CFAP20DC: variants seen among roughly 807,000 people sequenced by gnomAD.
CFAP20DC encodes the protein protein CFAP20DC.
Under a neutral mutation model 101.7 loss-of-function variants are expected in CFAP20DC, and 84 were observed. The ratio of observed to expected loss-of-function variants is 0.83; its 90% confidence interval spans 0.69 to 0.99. The LOEUF (loss-of-function observed/expected upper bound fraction) is 0.99, where lower values mean the gene tolerates loss of function less well. Ranked by LOEUF, CFAP20DC falls within the 50% of genes least tolerant of loss-of-function variation. CFAP20DC has a pLI of 0.00. For synonymous variants in CFAP20DC, 359 were observed against 351.2 expected (o/e 1.02, Z -0.25); for missense variants, 1,007 against 970.3 (o/e 1.04, Z -0.50).
At chr3:58,907,050 T>C (rs1340768365) in intron 6 of CFAP20DC, among the ~76,000 whole-genome samples, 1 of 152,134 alleles carries the variant, frequency 6.6e-6, no homozygotes, top group East Asian at 1.9e-4. Flanking sequence ...ATGGTGAAAA[T>C]GTCAGCCTCC....
chr3:58,810,332 G>C (rs1225278665), intron 14 of CFAP20DC, among the ~76,000 whole-genome samples: 1 of 152,132 alleles, frequency 6.6e-6, no homozygotes, highest in African/African-American at 2.4e-5. Flanking sequence ...AAATCCAGCA[G>C]CATATCAAAA....
At position 59,001,372 on chromosome 3, in the gene CFAP20DC, G is replaced by T. The variant is rs1045200637; in HGVS notation, c.278+38185C>A. 1.3e-5 allele frequency among the ~76,000 whole-genome samples: 2 copies of T among 151,862 alleles called. No homozygotes were observed. On this transcript the variant is annotated intron_variant, in intron 4 of 16. Transcript: ENST00000482387. The surrounding 1 kb of genome is among the most constrained non-coding windows in gnomAD (Gnocchi z 4.5). ...TCTTATGCTTAGGAGTTTGGCCTTT[G>T]AAACAGTCTCTCCCTCTCTCCCTCT...
In CFAP20DC at chr3:58,897,288, G is replaced by A. The variant is rs565511624; in HGVS notation, c.551-12579C>T. On this transcript the variant is annotated intron_variant, in intron 6 of 16. Coordinates refer to ENST00000482387, the MANE Select transcript of CFAP20DC (RefSeq NM_001394063.1). This position sits in a 1 kb window ranked among gnomAD's most constrained non-coding sequence, Gnocchi z 4.4. ...CCTATGTGTGTGTCTTTGCACATGA[G>A]ATGGCAGCATACCATGAATCTTGGC... Among the ~76,000 whole-genome samples, 7 of 152,270 alleles carry A rather than the reference G, an allele frequency of 4.6e-5. No individual in the cohort carries two copies. The South Asian group carries it at 1.4e-3, about 32-fold the overall frequency.
rs115374049 is a variant in CFAP20DC at position 58,944,834 on chromosome 3, G to A, written c.279-7072C>T. On this transcript the variant is annotated intron_variant, in intron 4 of 16. Transcript: ENST00000482387. ...GATCCTGTGTAAGGCCTTCCAGAAGGATGATCTCCAAGCTAGCAAGACTGG... is the reference window on the plus strand; with the variant it reads ...GATCCTGTGTAAGGCCTTCCAGAAGAATGATCTCCAAGCTAGCAAGACTGG... Among the ~76,000 whole-genome samples, 716 of 152,140 alleles carry A rather than the reference G, an allele frequency of 4.7e-3. 3 individuals carry two copies. Among genetic ancestry groups the A allele is most frequent in the African/African-American group, 0.017 (688 of 41,506 alleles).
rs17360960 is a variant in CFAP20DC, at chr3:58,868,540, T to C, written c.1016-604A>G. Reference sequence around the variant, plus strand: ...TATTTATTATTAGTATTAGTGCCAGTAGTAATGCCATTCCCATTTTACAGA... The same window carrying C: ...TATTTATTATTAGTATTAGTGCCAGCAGTAATGCCATTCCCATTTTACAGA... On this transcript the variant is annotated intron_variant, in intron 9 of 16. Coordinates refer to ENST00000482387, the MANE Select transcript of CFAP20DC (RefSeq NM_001394063.1). The surrounding 1 kb of genome is among the most constrained non-coding windows in gnomAD (Gnocchi z 4.6). 0.028 allele frequency among the ~76,000 whole-genome samples: 4,190 copies of C among 152,232 alleles called. 81 individuals carry two copies. Among genetic ancestry groups the C allele is most frequent in the Non-Finnish European group, 0.038 (2,601 of 67,980 alleles).
intron 13 of CFAP20DC, among the ~76,000 whole-genome samples, chr3:58,843,713 A>G (rs1033756281): frequency 1.3e-3 from 202 of 150,634 alleles, no homozygotes; most frequent in Non-Finnish European, 2.4e-3. Flanking sequence ...CATAATTGTC[A>G]GATTCACCAA....
At chr3:58,775,956 G>T (rs570937244) in intron 15 of CFAP20DC, among the ~76,000 whole-genome samples, 1 of 152,092 alleles carries the variant, frequency 6.6e-6, no homozygotes, top group East Asian at 1.9e-4. Flanking sequence ...TGTTGGTCAG[G>T]CTCTTGGACT....
chr3:59,049,675 T>G lies in CFAP20DC; in HGVS notation c.-44A>C. On this transcript the variant is annotated 5_prime_UTR_variant, in exon 1 of 17. Coordinates refer to ENST00000482387, the MANE Select transcript of CFAP20DC (RefSeq NM_001394063.1). Reference sequence around the variant, plus strand: ...GCTTGGGGGGCACAGAGTTCAGGGTTTCCAGCGAGTGGCGTGACCCTGACG... The same window carrying G: ...GCTTGGGGGGCACAGAGTTCAGGGTGTCCAGCGAGTGGCGTGACCCTGACG... 1 of 1,533,326 alleles carries G rather than the reference T, an allele frequency of 6.5e-7. No homozygotes were observed. Among genetic ancestry groups the G allele is most frequent in the Non-Finnish European group, 8.7e-7 (1 of 1,145,258 alleles). 95.0% of individuals were successfully genotyped at this position (1,533,326 alleles called of 1,614,324 possible).
chr3:58,862,692 G>T, intron 12 of CFAP20DC: 1 of 975,662 alleles, frequency 1.0e-6, no homozygotes, highest in Non-Finnish European at 1.2e-6. Context: ...AATATTTTGT[G>T]GGCACATATA....
intron 4 of CFAP20DC, among the ~76,000 whole-genome samples, chr3:58,951,312 C>A (rs1466720334): frequency 6.6e-6 from 1 of 152,164 alleles, no homozygotes; most frequent in African/African-American, 2.4e-5. Flanking sequence ...GTTGGTGGGA[C>A]TGTAAACTAG....
At chr3:58,746,751 CAAT>C (rs1381904884) in intron 16 of CFAP20DC, among the ~76,000 whole-genome samples, 4 of 152,072 alleles carry the variant, frequency 2.6e-5, no homozygotes, top group African/African-American at 9.7e-5. Flanking sequence ...AAACTACCAA[CAAT>C]GACATTCATA....
Position 59,046,268 on chromosome 3 carries a change from T to C in CFAP20DC, c.166A>G (p.Thr56Ala), listed in dbSNP as rs1312092532. The C allele has an allele frequency of 2.0e-6, 3 of 1,532,822 alleles. No homozygotes were observed. Among genetic ancestry groups the C allele is most frequent in the African/African-American group, 1.4e-5 (1 of 72,816 alleles). The allele number at this position is 1,532,822 out of a possible 1,614,324, so 95.0% of individuals were successfully genotyped here. ...TCCTTTGGTAACTGAATTTTGTTTGTTTGGCTGCTGCCTTCCAGGACAAAC... is the reference window on the plus strand; with the variant it reads ...TCCTTTGGTAACTGAATTTTGTTTGCTTGGCTGCTGCCTTCCAGGACAAAC... ...FVFVLEGSSQTNKIQLPKENK... is the reference protein window; with the variant it reads ...FVFVLEGSSQANKIQLPKENK... The change falls in exon 3 of 17, where the codon ACA becomes GCA. Residue 56 changes from threonine (T) to alanine (A), a missense_variant. Coordinates refer to ENST00000482387, the MANE Select transcript of CFAP20DC (RefSeq NM_001394063.1).
In CFAP20DC at chr3:58,912,310, T is replaced by A. The variant is rs539485416; in HGVS notation, c.550+1398A>T. On this transcript the variant is annotated intron_variant, in intron 6 of 16. Transcript: ENST00000482387. The surrounding 1 kb of genome is among the most constrained non-coding windows in gnomAD (Gnocchi z 4.4). ...TTTCTATAAATTTTGAGGCTTCTTA[T>A]TAGCTGGGTGCCATTTAAAAAAATG... Among the ~76,000 whole-genome samples the A allele has an allele frequency of 6.2e-4, 95 of 152,258 alleles. No homozygotes were observed. Among genetic ancestry groups the A allele is most frequent in the Middle Eastern group, 3.4e-3 (1 of 294 alleles).
At chr3:58,856,225 T>C (rs1236067106) in intron 12 of CFAP20DC, among the ~76,000 whole-genome samples, 1 of 150,746 alleles carries the variant, frequency 6.6e-6, no homozygotes, top group Non-Finnish European at 1.5e-5. Context: ...GTATTCATCC[T>C]GGGCATACAT....
At position 59,002,396 on chromosome 3, in the gene CFAP20DC, T is replaced by C. The variant is rs950919744; in HGVS notation, c.278+37161A>G. Among the ~76,000 whole-genome samples, 4 of 152,230 alleles carry C rather than the reference T, an allele frequency of 2.6e-5. No individual in the cohort carries two copies. Among genetic ancestry groups the C allele is most frequent in the African/African-American group, 4.8e-5 (2 of 41,460 alleles). ...AAATGGCATAACCAAAATGACTTTA[T>C]GCAAGCAAAGCAAGTAGAAGTATTT... On this transcript the variant is annotated intron_variant, in intron 4 of 16. Coordinates refer to ENST00000482387, the MANE Select transcript of CFAP20DC (RefSeq NM_001394063.1). The surrounding 1 kb of genome is among the most constrained non-coding windows in gnomAD (Gnocchi z 4.5).
chr3:58,830,384 G>T (rs1480398744), intron 14 of CFAP20DC, among the ~76,000 whole-genome samples: 1 of 152,126 alleles, frequency 6.6e-6, no homozygotes, highest in African/African-American at 2.4e-5. Context: ...GACCAAGTTA[G>T]ATCTGATTCA....
At chr3:58,856,265 GACACACACACACACACACACAC>G (rs536277954) in intron 12 of CFAP20DC, among the ~76,000 whole-genome samples, 3 of 124,068 alleles carry the variant, frequency 2.4e-5, no homozygotes, top group Admixed American at 8.6e-5. Context: ...TTCATCTTCT[GACACACACACACACACACACAC>G]ACACACACAC....
intron 12 of CFAP20DC, among the ~76,000 whole-genome samples, chr3:58,860,477 T>C (rs1159077723): frequency 6.6e-6 from 1 of 152,194 alleles, no homozygotes; most frequent in Admixed American, 6.5e-5. Flanking sequence ...AGGTAGTCAG[T>C]CCACATAATT....
chr3:58,905,509 A>G (rs1455799538), intron 6 of CFAP20DC, among the ~76,000 whole-genome samples: 1 of 152,208 alleles, frequency 6.6e-6, no homozygotes, highest in African/African-American at 2.4e-5. Context: ...TCTTCTGGAA[A>G]AGTGAAAACT....
Sources: gnomAD v4.1 joint callset for allele counts (sites outside exome capture counted in the v4.1 genomes callset) on GRCh38, gnomAD v4.1.1 for gene constraint, Gnocchi (gnomAD v3.1) non-coding constraint, MANE v1.5 for transcripts, NCBI Gene and HGNC (gene_info 2026-07-23, HGNC 2026-07-21) for gene names.